The following ADCY6 variants were observed in gnomAD, a reference collection of about 807,000 sequenced individuals.
ADCY6 encodes the protein adenylate cyclase 6.
ADCY6 carries 59 observed loss-of-function variants against 111.6 expected under a neutral mutation model. The observed-to-expected ratio is 0.53, with a 90% CI of 0.43 to 0.66. The LOEUF is 0.66. Ranked by LOEUF, ADCY6 falls within the 30% of genes least tolerant of loss-of-function variation. The probability of loss-of-function intolerance (pLI) is 0.00; values close to 1 mark genes in which losing one functional copy is unlikely to be tolerated. For synonymous variants in ADCY6, 576 were observed against 642.9 expected (o/e 0.90, Z 1.57); for missense variants, 1,242 against 1,595.6 (o/e 0.78, Z 3.78).
Position 48,773,360 on chromosome 12 carries a change from T to A in ADCY6, c.2621+109A>T, listed in dbSNP as rs3729969. On this transcript the variant is annotated intron_variant, in intron 16 of 21. Coordinates refer to ENST00000357869, the MANE Select transcript of ADCY6 (RefSeq NM_015270.5). ...ATCTCCTCCCTTTCCCCCACAGGGG[T>A]GTTGTGGCATTCCAAGGCACAAGGG... is the stretch of plus-strand genomic sequence containing the variant. 182,607 of 1,228,938 alleles carry A rather than the reference T, an allele frequency of 0.15. 15,704 individuals are homozygous for A. Among genetic ancestry groups the A allele is most frequent in the African/African-American group, 0.35 (23,180 of 66,104 alleles). 76.1% of individuals were successfully genotyped at this position (1,228,938 alleles called of 1,614,324 possible).
At position 48,782,623 on chromosome 12, in the gene ADCY6, T is replaced by C. The variant is rs765459315; in HGVS notation, c.812A>G (p.His271Arg). ...GTTAAGTTGCCAGGCCAAGATCAAA[T>C]GCAAGGTGGAGAGGCCCAGGCCGCT... ...VLSGLGLSTL[H>R]LILAWQLNRG... The change falls in exon 2 of 22, where the codon CAT (histidine) becomes CGT (arginine). Residue 271 changes from histidine to arginine, a missense_variant. This residue lies in a region of ADCY6 where 260 missense variants were observed against 414.6 expected (regional missense o/e 0.63). Coordinates refer to ENST00000357869, the MANE Select transcript of ADCY6 (RefSeq NM_015270.5). This position sits in a 1 kb window ranked among gnomAD's most constrained non-coding sequence, Gnocchi z 4.3. 3.8e-5 allele frequency: 61 copies of C among 1,611,144 alleles called. No homozygotes were observed. The highest frequency in any genetic ancestry group is 3.3e-4 in the Middle Eastern group (2 of 6,062).
chr12:48,776,199 T>C lies in ADCY6; in HGVS notation c.1677+10A>G. 6.2e-7 allele frequency: 1 copy of C among 1,614,082 alleles called. No individual in the cohort carries two copies. The highest frequency in any genetic ancestry group is 8.5e-7 in the Non-Finnish European group (1 of 1,180,002). On this transcript the variant is annotated intron_variant, in intron 8 of 21. Transcript: ENST00000357869. This position sits in a 1 kb window ranked among gnomAD's most constrained non-coding sequence, Gnocchi z 6.1. ...TGCTCCCCTGCCCCCAGCCCTGCCCTGGCCCTGACCCGTTTCTGGCTGGCG... is the reference window on the plus strand; with the variant it reads ...TGCTCCCCTGCCCCCAGCCCTGCCCCGGCCCTGACCCGTTTCTGGCTGGCG...
chr12:48,776,263 G>C lies in ADCY6; in HGVS notation c.1623C>G (p.Tyr541Ter). The change falls in exon 8 of 22, where the codon TAC (tyrosine) becomes TAG (stop). Residue 541 changes from tyrosine (Y) to a stop codon, truncating the protein, a stop_gained. Transcript: ENST00000357869. LOFTEE classifies it high-confidence loss of function. The surrounding 1 kb of genome is among the most constrained non-coding windows in gnomAD (Gnocchi z 6.1). ...AAGTCTCAATGTGCTGCTCCTTGAG[G>C]TACGCGTTGCGCTCGCCACCACGGC... is the stretch of plus-strand genomic sequence containing the variant. ...EPGRGGERNAYLKEQHIETFL... is the reference protein window; with the variant it reads ...EPGRGGERNA 1 of 1,614,204 alleles carries C rather than the reference G, an allele frequency of 6.2e-7. No individual in the cohort carries two copies. The highest frequency in any genetic ancestry group is 1.3e-5 in the African/African-American group (1 of 75,048).
At chr12:48,788,655 T>C (rs1015048350) in intron 1 of ADCY6, among the ~76,000 whole-genome samples, 2 of 151,984 alleles carry the variant, frequency 1.3e-5, no homozygotes, top group Admixed American at 1.3e-4. Context: ...AGCCTGGAAC[T>C]CGCCCCGTGG....
chr12:48,773,934 G>C lies in ADCY6; in HGVS notation c.2442+6C>G. On this transcript the variant is annotated splice_donor_region_variant and intron_variant, in intron 15 of 21. Transcript: ENST00000357869. The stretch of plus-strand genomic sequence containing the variant: ...CCCCCCCACCGCCTGAGCACTGCTC[G>C]AACACCTCAGGAAAGCTGCAGGTGG... 3 of 1,613,404 alleles carry C rather than the reference G, an allele frequency of 1.9e-6. No homozygotes were observed. Among genetic ancestry groups the C allele is most frequent in the Non-Finnish European group, 2.5e-6 (3 of 1,179,746 alleles).
intron 2 of ADCY6, chr12:48,778,548 A>G (rs1941766302): frequency 2.4e-6 from 1 of 409,832 alleles, no homozygotes. Context: ...CAGCCCCAGC[A>G]CCCTGTATCT....
intron 18 of ADCY6, 37 bp from the exon 19 acceptor site, chr12:48,772,010 TCA>T (rs752768128): frequency 6.3e-7 from 1 of 1,581,386 alleles, no homozygotes. Context: ...TGCCCGACAT[TCA>T]CAAGGGGTAG....
Position 48,777,300 on chromosome 12 carries a change from C to G in ADCY6, c.1249-69G>C, listed in dbSNP as rs1941730116. On this transcript the variant is annotated intron_variant, in intron 5 of 21. Coordinates refer to ENST00000357869, the MANE Select transcript of ADCY6 (RefSeq NM_015270.5). The surrounding 1 kb of genome is among the most constrained non-coding windows in gnomAD (Gnocchi z 4.9). ...TGCCCACCCAGCCTGCATGGCCCAC[C>G]ACCCTCCACGCATACTCTATCTGCC... The G allele has an allele frequency of 1.3e-6, 2 of 1,593,002 alleles. No homozygotes were observed. Among genetic ancestry groups the G allele is most frequent in the African/African-American group, 1.3e-5 (1 of 74,832 alleles).
rs774225754 is a variant in ADCY6 at position 48,782,669 on chromosome 12, G to C, written c.766C>G (p.Arg256Gly). 6.3e-7 allele frequency: 1 copy of C among 1,597,540 alleles called. No homozygotes were observed. The highest frequency in any genetic ancestry group is 8.5e-7 in the Non-Finnish European group (1 of 1,171,244). Residue 256 changes from arginine to glycine, a missense_variant, in exon 2 of 22, where the codon CGC becomes GGC. This residue lies in a region of ADCY6 where 362 missense variants were observed against 377.2 expected (regional missense o/e 0.96). Transcript: ENST00000357869. This position sits in a 1 kb window ranked among gnomAD's most constrained non-coding sequence, Gnocchi z 4.3. ...VYIAYTLLPI[R>G]MRAAVLSGLG... ...CCGCTGAGGACGGCAGCCCGCATGC[G>C]GATGGGGAGGAGCGTGTAGGCGATG...
At position 48,776,650 on chromosome 12, in the gene ADCY6, G is replaced by A. The variant is rs1166874026; in HGVS notation, c.1377-64C>T. 6.5e-7 allele frequency: 1 copy of A among 1,548,102 alleles called. No homozygotes were observed. The highest frequency in any genetic ancestry group is 8.7e-7 in the Non-Finnish European group (1 of 1,151,514). On this transcript the variant is annotated intron_variant, in intron 6 of 21. Coordinates refer to ENST00000357869, the MANE Select transcript of ADCY6 (RefSeq NM_015270.5). This position sits in a 1 kb window ranked among gnomAD's most constrained non-coding sequence, Gnocchi z 6.1. ...TCCCCTCCCCCAGCCCACAACCCAG[G>A]CCCTTCACTCCTCTCAGGGCCCAGC... is the stretch of plus-strand genomic sequence containing the variant.
intron 3 of ADCY6, 73 bp downstream of exon 3, chr12:48,778,035 G>A: frequency 6.5e-7 from 1 of 1,533,208 alleles, no homozygotes. Flanking sequence ...AACTGGACAA[G>A]GCAGCAGATC....
intron 12 of ADCY6, 49 bp downstream of exon 12, chr12:48,774,908 T>G (rs1386546295): frequency 6.5e-7 from 1 of 1,533,240 alleles, no homozygotes; most frequent in South Asian, 1.2e-5. Context: ...AGGAAGCTTC[T>G]GGGAAGTGGT....
At chr12:48,778,668 C>T (rs966647748) in intron 2 of ADCY6, among the ~76,000 whole-genome samples, 2 of 152,152 alleles carry the variant, frequency 1.3e-5, no homozygotes, top group African/African-American at 2.4e-5. Context: ...CTGTGAGTGA[C>T]CCAGGACAAG....
At chr12:48,779,932 G>A (rs1941799860) in intron 2 of ADCY6, among the ~76,000 whole-genome samples, 1 of 152,168 alleles carries the variant, frequency 6.6e-6, no homozygotes, top group Non-Finnish European at 1.5e-5. Context: ...TCCAGCCTCT[G>A]GGATGGGCCT....
chr12:48,788,621 C>A (rs1251994016), intron 1 of ADCY6, among the ~76,000 whole-genome samples: 3 of 152,082 alleles, frequency 2.0e-5, no homozygotes, highest in Non-Finnish European at 4.4e-5. Context: ...CCAGTACGTG[C>A]CAGATCCTCC....
intron 1 of ADCY6, 198 bp from the exon 2 acceptor site, chr12:48,783,636 C>G (rs1486483292): frequency 3.0e-5 from 40 of 1,329,732 alleles, no homozygotes; most frequent in Non-Finnish European, 3.9e-5. Context: ...ACCCAAGACA[C>G]AGTCAGGACA....
At position 48,767,886 on chromosome 12, in the gene ADCY6, C is replaced by T. The variant is rs1941418191; in HGVS notation, c.*705G>A. ...TTCACAGTACCAGTGAGGCCAGACA[C>T]CCCGTTCCCTGGAGCGTGCAGGAAC... On this transcript the variant is annotated 3_prime_UTR_variant, in exon 22 of 22. Transcript: ENST00000357869. The T allele has an allele frequency of 6.5e-6, 1 of 153,440 alleles. No homozygotes were observed. Among genetic ancestry groups the T allele is most frequent in the African/African-American group, 2.4e-5 (1 of 41,464 alleles). 9.5% of individuals were successfully genotyped at this position (153,440 alleles called of 1,614,324 possible).
rs756690261 is a variant in ADCY6, at chr12:48,783,392, G to C, written c.43C>G (p.Arg15Gly). 23 of 1,614,090 alleles carry C rather than the reference G, an allele frequency of 1.4e-5. No individual in the cohort carries two copies. The highest frequency in any genetic ancestry group is 3.3e-5 in the Admixed American group (2 of 60,006). Reference sequence around the variant, plus strand: ...TTGCGTTCACCCCAGGCTGTTTTCCGTTCATCCACTTTAGGGACCAGGAGG... The same window carrying C: ...TTGCGTTCACCCCAGGCTGTTTTCCCTTCATCCACTTTAGGGACCAGGAGG... The part of the protein sequence containing the change: ...SGLLVPKVDE[R>G]KTAWGERNGQ... Residue 15 changes from arginine (R) to glycine (G), a missense_variant, in exon 2 of 22, where the codon CGG (arginine) becomes GGG (glycine). Transcript: ENST00000357869.
intron 2 of ADCY6, among the ~76,000 whole-genome samples, chr12:48,781,199 C>CAAA (rs1200774947): frequency 1.9e-5 from 2 of 102,674 alleles, no homozygotes; most frequent in Non-Finnish European, 4.2e-5. Flanking sequence ...GACTCCGTCT[C>CAAA]AAAAAAAAAA....
Sources: gnomAD v4.1 joint callset for allele counts (sites outside exome capture counted in the v4.1 genomes callset) on GRCh38, gnomAD v4.1.1 for gene constraint, gnomAD v4.1.1 regional missense constraint, Gnocchi (gnomAD v3.1) non-coding constraint, MANE v1.5 for transcripts, NCBI Gene and HGNC (gene_info 2026-07-23, HGNC 2026-07-21) for gene names.